The following TSPAN14 variants were observed in gnomAD, a reference collection of about 807,000 sequenced individuals.
TSPAN14 encodes tetraspanin-14.
In TSPAN14, 16 loss-of-function variants were observed where a neutral mutation model predicts 36.6. The ratio of observed to expected loss-of-function variants is 0.44; its 90% CI spans 0.30 to 0.66. The LOEUF (loss-of-function observed/expected upper bound fraction) is 0.66. Among genes scored for constraint, TSPAN14 ranks in the 30% least tolerant of loss-of-function variants. TSPAN14 has a pLI of 0.12. For synonymous variants in TSPAN14, 139 were observed against 143.8 expected (o/e 0.97, Z 0.24); for missense variants, 231 against 355.1 (o/e 0.65, Z 2.81).
intron 1 of TSPAN14, chr10:80,466,293 G>T (rs2131962475): frequency 6.6e-6 from 1 of 152,246 alleles, no homozygotes; most frequent in East Asian, 1.9e-4. Context: ...TTGCTCTGTT[G>T]CCCAGGCTGG....
At chr10:80,489,158 T>G in intron 1 of TSPAN14, 59 bp from the exon 2 acceptor site, 1 of 1,163,160 alleles carries the variant, frequency 8.6e-7, no homozygotes, top group Non-Finnish European at 1.3e-6. Flanking sequence ...ATGAGCTGGT[T>G]TGGGGGAAAG....
At chr10:80,510,831 G>A (rs764832699) in intron 5 of TSPAN14, among the ~76,000 whole-genome samples, 7 of 152,108 alleles carry the variant, frequency 4.6e-5, no homozygotes, top group African/African-American at 1.4e-4. Flanking sequence ...CCGAGATCAC[G>A]CCACTGCAGT....
intron 1 of TSPAN14, among the ~76,000 whole-genome samples, chr10:80,455,971 C>T (rs1845718695): frequency 6.6e-6 from 1 of 152,182 alleles, no homozygotes; most frequent in African/African-American, 2.4e-5. Flanking sequence ...TTGTGTTGCA[C>T]CCCAACTTCA....
Position 80,509,392 on chromosome 10 carries a change from G to A in TSPAN14, c.371G>A (p.Arg124Gln), listed in dbSNP as rs1161527242. Residue 124 changes from arginine (R) to glutamine (Q), a missense_variant, in exon 5 of 9, where the codon CGG (arginine) becomes CAG (glutamine). By Grantham distance (43) the Arg-to-Gln change is conservative (BLOSUM62 1). Transcript: ENST00000429989. This position sits in a 1 kb window ranked among gnomAD's most constrained non-coding sequence, Gnocchi z 4.7. ...CAGGACTGGGTGAGGGACCGGTTCC[G>A]GGAGTTCTTCGAGAGCAACATCAAG... 14 of 1,614,022 alleles carry A rather than the reference G, an allele frequency of 8.7e-6. No homozygotes were observed. Among genetic ancestry groups the A allele is most frequent in the Non-Finnish European group, 1.1e-5 (13 of 1,180,032 alleles).
intron 1 of TSPAN14, among the ~76,000 whole-genome samples, chr10:80,470,830 A>T (rs192135402): frequency 6.6e-6 from 1 of 152,100 alleles, no homozygotes; most frequent in Non-Finnish European, 1.5e-5. Flanking sequence ...TCTTGGTATC[A>T]TCTGCAGGGC....
At chr10:80,489,749 A>G (rs1847823911) in intron 2 of TSPAN14, among the ~76,000 whole-genome samples, 1 of 152,270 alleles carries the variant, frequency 6.6e-6, no homozygotes, top group Non-Finnish European at 1.5e-5. Context: ...TGTGTAACCA[A>G]GAGCCATGTT....
intron 2 of TSPAN14, among the ~76,000 whole-genome samples, chr10:80,499,228 G>A (rs1848365269): frequency 3.9e-5 from 6 of 152,152 alleles, no homozygotes; most frequent in Admixed American, 3.9e-4. Flanking sequence ...TGACTTGATT[G>A]TGCTTGGGTA....
chr10:80,491,614 G>A (rs1215274375), intron 2 of TSPAN14, among the ~76,000 whole-genome samples: 1 of 152,188 alleles, frequency 6.6e-6, no homozygotes, highest in East Asian at 1.9e-4. Context: ...TGACATCAGG[G>A]AGCTCTACTA....
chr10:80,478,781 G>A (rs1847069754), intron 1 of TSPAN14, among the ~76,000 whole-genome samples: 1 of 152,192 alleles, frequency 6.6e-6, no homozygotes, highest in Non-Finnish European at 1.5e-5. Flanking sequence ...CAGCACTTTG[G>A]GAGGCCGAGG....
At chr10:80,503,441 C>A (rs141872225) in intron 2 of TSPAN14, among the ~76,000 whole-genome samples, 123 of 152,064 alleles carry the variant, frequency 8.1e-4, no homozygotes, top group African/African-American at 2.4e-3. Context: ...GTGATTCAGC[C>A]CTTCTCCCCA....
intron 1 of TSPAN14, among the ~76,000 whole-genome samples, chr10:80,484,810 A>G (rs776637001): frequency 9.9e-5 from 15 of 152,216 alleles, no homozygotes; most frequent in African/African-American, 1.7e-4. Flanking sequence ...TGTTGCCTCA[A>G]AAGTTGAAGG....
exon 9 of TSPAN14, chr10:80,517,946 C>G: frequency 2.6e-6 from 4 of 1,566,464 alleles, no homozygotes; most frequent in South Asian, 2.3e-5. Context: ...TCTCAGACAT[C>G]GAGGCAGTGA....
At chr10:80,463,034 T>G (rs1846061877) in intron 1 of TSPAN14, 1 of 152,266 alleles carries the variant, frequency 6.6e-6, no homozygotes, top group Admixed American at 6.5e-5. Flanking sequence ...TGGTTTCTTT[T>G]GTGCCTTTGT....
At chr10:80,500,719 AAC>A (rs962583960) in intron 2 of TSPAN14, among the ~76,000 whole-genome samples, 2 of 152,180 alleles carry the variant, frequency 1.3e-5, no homozygotes, top group South Asian at 4.1e-4. Context: ...TTCCCCAGTA[AAC>A]ACAGAGTCAG....
At chr10:80,483,059 G>A (rs887979579) in intron 1 of TSPAN14, among the ~76,000 whole-genome samples, 1 of 151,880 alleles carries the variant, frequency 6.6e-6, no homozygotes, top group Non-Finnish European at 1.5e-5. Flanking sequence ...TCACACTTAT[G>A]AATTGTTGAG....
At chr10:80,508,412 C>T (rs1335455149) in intron 4 of TSPAN14, among the ~76,000 whole-genome samples, 2 of 152,156 alleles carry the variant, frequency 1.3e-5, no homozygotes, top group Non-Finnish European at 2.9e-5. Flanking sequence ...ACCACCGCGC[C>T]CGGCCGTGTG....
At chr10:80,505,659 G>C (rs547352373) in intron 3 of TSPAN14, among the ~76,000 whole-genome samples, 1 of 152,308 alleles carries the variant, frequency 6.6e-6, no homozygotes, top group East Asian at 1.9e-4. Flanking sequence ...CAAGTGGCCT[G>C]TGAACCCCTA....
intron 2 of TSPAN14, among the ~76,000 whole-genome samples, chr10:80,499,581 G>A (rs1056118975): frequency 5.9e-5 from 9 of 152,174 alleles, no homozygotes; most frequent in African/African-American, 2.2e-4. Flanking sequence ...AAGATACTGT[G>A]TTGCCAGGGT....
Position 80,509,801 on chromosome 10 carries a change from T to G in TSPAN14, c.450+330T>G. 2 of 283,306 alleles carry G rather than the reference T, an allele frequency of 7.1e-6. No homozygotes were observed. Among genetic ancestry groups the G allele is most frequent in the Non-Finnish European group, 1.4e-5 (2 of 147,716 alleles). The allele number at this position is 283,306 out of a possible 1,614,324, so 17.5% of individuals were successfully genotyped here. A position where few individuals can be genotyped will look rare whatever the true frequency, so the allele number is the denominator to read the frequency against. On this transcript the variant is annotated intron_variant, in intron 5 of 8. Transcript: ENST00000429989. The surrounding 1 kb of genome is among the most constrained non-coding windows in gnomAD (Gnocchi z 4.7). ...ATAGCCATACCAGCTGCAATCCTCCTTAGGCGCTGCATACCGTAAGGCACA... is the reference window on the plus strand; with the variant it reads ...ATAGCCATACCAGCTGCAATCCTCCGTAGGCGCTGCATACCGTAAGGCACA...
Sources: allele counts gnomAD v4.1 joint callset (sites outside exome capture counted in the v4.1 genomes callset), GRCh38; gene constraint gnomAD v4.1.1; non-coding constraint Gnocchi (gnomAD v3.1); transcripts MANE v1.5; gene names NCBI Gene and HGNC (gene_info 2026-07-23, HGNC 2026-07-21).